Variants in RPH3A observed in about 807,000 individuals in gnomAD.
RPH3A encodes the protein rabphilin-3A.
Under a neutral mutation model 102.2 loss-of-function variants are expected in RPH3A, and 48 were observed. The ratio of observed to expected loss-of-function variants is 0.47; its 90% confidence interval spans 0.37 to 0.60. RPH3A has a LOEUF of 0.60. Ranked by LOEUF, RPH3A falls within the 20% of genes least tolerant of loss-of-function variation. RPH3A has a pLI of 0.00. For synonymous variants in RPH3A, 310 were observed against 324.3 expected (o/e 0.96, Z 0.47); for missense variants, 781 against 910.1 (o/e 0.86, Z 1.83).
intron 1 of RPH3A, among the ~76,000 whole-genome samples, chr12:112,749,536 G>A (rs2040771752): frequency 6.6e-6 from 1 of 152,272 alleles, no homozygotes; most frequent in Non-Finnish European, 1.5e-5. Context: ...TCATTTCTGA[G>A]GTAGAAATCT....
chr12:112,753,645 G>A (rs1017671195), intron 1 of RPH3A, among the ~76,000 whole-genome samples: 2 of 152,168 alleles, frequency 1.3e-5, no homozygotes, highest in Non-Finnish European at 2.9e-5. Flanking sequence ...ACCCAGGAAG[G>A]CCCTAAGATT....
rs1555204011 is a variant in RPH3A, at chr12:112,713,051, C to CTTCTTCTTCTTCTT, written c.-139-79092_-139-79091insTTCTTCTTCTTCTT. On this transcript the variant is annotated intron_variant, in intron 1 of 21. Transcript: ENST00000543106. ...TTCTTCTTCTTCTTCTTCTTCTTCT[C>CTTCTTCTTCTTCTT]CTTCTTCTTCTTCTTCTTCTTCTTC... Among the ~76,000 whole-genome samples, 146 of 85,856 alleles carry CTTCTTCTTCTTCTT rather than the reference C, an allele frequency of 1.7e-3. 19 individuals carry two copies. Among genetic ancestry groups the CTTCTTCTTCTTCTT allele is most frequent in the East Asian group, 0.017 (50 of 2,976 alleles). The allele number at this position is 85,856 out of a possible 152,430, so 56.3% of individuals were successfully genotyped here.
intron 5 of RPH3A, among the ~76,000 whole-genome samples, chr12:112,848,408 C>CA (rs2042267804): frequency 6.6e-6 from 1 of 152,146 alleles, no homozygotes; most frequent in Non-Finnish European, 1.5e-5. Flanking sequence ...AGTGAGGAAG[C>CA]AGAGGTTAAC....
chr12:112,701,920 T>G (rs2040397564), intron 1 of RPH3A, among the ~76,000 whole-genome samples: 1 of 152,236 alleles, frequency 6.6e-6, no homozygotes, highest in Non-Finnish European at 1.5e-5. Flanking sequence ...AACTGCAAAA[T>G]GTACTGTATG....
At chr12:112,865,629 C>G (rs1327504573) in intron 6 of RPH3A, 86 bp downstream of exon 6, 14 of 1,438,394 alleles carry the variant, frequency 9.7e-6, no homozygotes, top group Non-Finnish European at 1.3e-5. Context: ...GTCACTGGGT[C>G]TTGGGGGTGG....
In RPH3A at chr12:112,870,117, T is replaced by A. The variant is rs1160890987; in HGVS notation, c.796+78T>A. On this transcript the variant is annotated intron_variant, in intron 10 of 21. Coordinates refer to ENST00000389385, the MANE Select transcript of RPH3A (RefSeq NM_001143854.2). Reference sequence around the variant, plus strand: ...AAGAATGAGGGGAACTGTGTTTTTATTCATTTACTTAGGCAGCATTTATTG... The same window carrying A: ...AAGAATGAGGGGAACTGTGTTTTTAATCATTTACTTAGGCAGCATTTATTG... 29 of 1,410,450 alleles carry A rather than the reference T, an allele frequency of 2.1e-5. No homozygotes were observed. In the East Asian group the frequency reaches 6.5e-4, roughly 32 times the overall value. 87.4% of individuals were successfully genotyped at this position (1,410,450 alleles called of 1,614,324 possible). A position where few individuals can be genotyped will look rare whatever the true frequency, so the allele number is the denominator to read the frequency against.
At chr12:112,624,338 A>C (rs980503163) in intron 1 of RPH3A, among the ~76,000 whole-genome samples, 3 of 151,302 alleles carry the variant, frequency 2.0e-5, no homozygotes, top group African/African-American at 7.3e-5. Flanking sequence ...AAAAAAGAAG[A>C]ATCAAATAGA....
intron 1 of RPH3A, among the ~76,000 whole-genome samples, chr12:112,785,968 C>T (rs375106619): frequency 6.6e-6 from 1 of 151,748 alleles, no homozygotes; most frequent in Non-Finnish European, 1.5e-5. Context: ...GTATACGAAA[C>T]TCATTGCTAT....
At chr12:112,882,480 A>G (rs545698714) in intron 15 of RPH3A, among the ~76,000 whole-genome samples, 3 of 152,212 alleles carry the variant, frequency 2.0e-5, no homozygotes, top group Non-Finnish European at 4.4e-5. Flanking sequence ...CATCTGTCAA[A>G]TGATCTTCAG....
intron 1 of RPH3A, among the ~76,000 whole-genome samples, chr12:112,748,903 A>G (rs1478651721): frequency 1.3e-5 from 2 of 152,000 alleles, no homozygotes; most frequent in Admixed American, 1.3e-4. Flanking sequence ...TAATTATGCC[A>G]ATTCCCAAGA....
At chr12:112,756,180 G>C (rs1245442864) in intron 1 of RPH3A, among the ~76,000 whole-genome samples, 1 of 151,776 alleles carries the variant, frequency 6.6e-6, no homozygotes, top group Non-Finnish European at 1.5e-5. Flanking sequence ...ATTACACATT[G>C]TATACATGTG....
At chr12:112,579,302 G>A (rs2039380358) in intron 1 of RPH3A, among the ~76,000 whole-genome samples, 1 of 152,196 alleles carries the variant, frequency 6.6e-6, no homozygotes, top group African/African-American at 2.4e-5. Flanking sequence ...GTCCCATAGT[G>A]ATCACAGCTG....
In RPH3A at chr12:112,764,698, A is replaced by AT. The variant is rs568773621; in HGVS notation, c.-139-27438dup. ...CTGAGGTATTATTATTATTATTATT[A>AT]TTTTTTTGCAATGGCTATATCTCGA... On this transcript the variant is annotated intron_variant, in intron 1 of 21. Coordinates refer to the RPH3A transcript ENST00000543106. 6.7e-4 allele frequency among the ~76,000 whole-genome samples: 101 copies of AT among 151,770 alleles called. 1 individual carries two copies. In the South Asian group the frequency reaches 0.018, roughly 26 times the overall value.
intron 1 of RPH3A, among the ~76,000 whole-genome samples, chr12:112,583,423 T>C (rs1201760351): frequency 1.3e-5 from 2 of 152,176 alleles, no homozygotes; most frequent in African/African-American, 4.8e-5. Flanking sequence ...TCCAAGAGTT[T>C]GACCTCTGAA....
At chr12:112,883,441 G>A (rs1357821649) in intron 16 of RPH3A, 39 bp downstream of exon 16, 5 of 1,482,232 alleles carry the variant, frequency 3.4e-6, no homozygotes, top group Admixed American at 1.7e-5. Flanking sequence ...AGGCAAAGGG[G>A]AGACTCGGGG....
chr12:112,655,342 T>C (rs2040003418), intron 1 of RPH3A, among the ~76,000 whole-genome samples: 1 of 152,206 alleles, frequency 6.6e-6, no homozygotes, highest in African/African-American at 2.4e-5. Context: ...TTTCATTATG[T>C]AATGAATAAT....
At chr12:112,868,019 AGAAAGG>A (rs2042640943) in intron 7 of RPH3A, 1 of 167,434 alleles carries the variant, frequency 6.0e-6, no homozygotes, top group African/African-American at 2.4e-5. Flanking sequence ...CAGGGCCAGG[AGAAAGG>A]CCAGAGGTCT....
chr12:112,873,188 G>C (rs534355760), intron 10 of RPH3A, among the ~76,000 whole-genome samples: 41 of 152,222 alleles, frequency 2.7e-4, no homozygotes, highest in African/African-American at 9.9e-4. Flanking sequence ...TCTCTGCCGG[G>C]TATGTGATTA....
At chr12:112,871,211 C>A (rs926990602) in intron 10 of RPH3A, among the ~76,000 whole-genome samples, 1 of 152,154 alleles carries the variant, frequency 6.6e-6, no homozygotes, top group African/African-American at 2.4e-5. Flanking sequence ...AACATAAAAT[C>A]TACCATTTTA....
Sources: allele counts gnomAD v4.1 joint callset (sites outside exome capture counted in the v4.1 genomes callset), GRCh38; gene constraint gnomAD v4.1.1; transcripts MANE v1.5; gene names NCBI Gene and HGNC (gene_info 2026-07-23, HGNC 2026-07-21).